Variants in PTPN2 observed in about 807,000 individuals in gnomAD.
The protein encoded by PTPN2 is protein tyrosine phosphatase non-receptor type 2, also known as tyrosine-protein phosphatase non-receptor type 2.
PTPN2 carries 19 observed loss-of-function variants against 57.3 expected under a neutral mutation model. That is an observed-to-expected ratio of 0.33 (90% CI 0.23 to 0.49). The LOEUF is 0.49. PTPN2 is among the 20% of genes least tolerant of loss of function. PTPN2 has a pLI of 0.99. For synonymous variants in PTPN2, 153 were observed against 164.9 expected (o/e 0.93, Z 0.55); for missense variants, 358 against 501.1 (o/e 0.71, Z 2.73).
chr18:12,791,091 G>T (rs2040973170), downstream of PTPN2, among the ~76,000 whole-genome samples: 1 of 152,078 alleles, frequency 6.6e-6, no homozygotes, highest in African/African-American at 2.4e-5. Flanking sequence ...TAAACATGGA[G>T]AATTATATTT....
chr18:12,804,713 T>C (rs2041577548), intron 7 of PTPN2, among the ~76,000 whole-genome samples: 1 of 152,112 alleles, frequency 6.6e-6, no homozygotes, highest in African/African-American at 2.4e-5. Flanking sequence ...AACTGACCAA[T>C]AAAGAGTGAG....
At chr18:12,877,629 T>G (rs1049011268) in intron 1 of PTPN2, among the ~76,000 whole-genome samples, 2 of 152,242 alleles carry the variant, frequency 1.3e-5, no homozygotes, top group Admixed American at 1.3e-4. Flanking sequence ...AAGAACAGTG[T>G]GCACTTGATA....
chr18:12,827,824 A>T (rs2042533112), intron 4 of PTPN2, among the ~76,000 whole-genome samples: 1 of 152,200 alleles, frequency 6.6e-6, no homozygotes. Context: ...CATTAAAGCA[A>T]GCAAGGGAGC....
chr18:12,798,187 A>G (rs2041265803), intron 8 of PTPN2, among the ~76,000 whole-genome samples: 1 of 152,226 alleles, frequency 6.6e-6, no homozygotes, highest in African/African-American at 2.4e-5. Flanking sequence ...TAGGTACACA[A>G]TGTATATGTA....
At chr18:12,829,621 C>T (rs113517893) in intron 4 of PTPN2, among the ~76,000 whole-genome samples, 310 of 151,988 alleles carry the variant, frequency 2.0e-3, no homozygotes, top group Non-Finnish European at 3.0e-3. Context: ...TAAAATTAAT[C>T]CAGTATGTCC....
At chr18:12,839,734 T>C (rs1326971251) in intron 2 of PTPN2, among the ~76,000 whole-genome samples, 1 of 152,116 alleles carries the variant, frequency 6.6e-6, no homozygotes, top group Non-Finnish European at 1.5e-5. Flanking sequence ...ACTGAGTAAA[T>C]GAAGAAATGC....
intron 2 of PTPN2, among the ~76,000 whole-genome samples, chr18:12,840,145 T>C (rs555569013): frequency 6.6e-6 from 1 of 152,326 alleles, no homozygotes; most frequent in African/African-American, 2.4e-5. Flanking sequence ...CCAATTCTAA[T>C]AGTACAGCGT....
chr18:12,809,006 C>T (rs988668387), intron 7 of PTPN2, among the ~76,000 whole-genome samples: 4 of 152,084 alleles, frequency 2.6e-5, no homozygotes, highest in African/African-American at 7.2e-5. Flanking sequence ...GGAGAACTAA[C>T]GGTGAGATCT....
At chr18:12,843,054 C>T (rs191892247) in intron 2 of PTPN2, among the ~76,000 whole-genome samples, 13 of 152,212 alleles carry the variant, frequency 8.5e-5, no homozygotes, top group Admixed American at 2.0e-4. Context: ...AATTTTGCGA[C>T]GCAGATGAAA....
chr18:12,788,074 C>T (rs1051481719), downstream of PTPN2: 2 of 154,792 alleles, frequency 1.3e-5, no homozygotes, highest in African/African-American at 4.8e-5. Context: ...CCTAGGTTCC[C>T]GCTCCTGAAT....
intron 8 of PTPN2, among the ~76,000 whole-genome samples, chr18:12,799,625 C>T (rs1295015430): frequency 2.7e-5 from 4 of 150,842 alleles, no homozygotes; most frequent in African/African-American, 9.8e-5. Context: ...TGCTCTGTTG[C>T]CCAGTCTGGA....
intron 7 of PTPN2, 37 bp from the exon 8 acceptor site, chr18:12,802,188 A>G (rs369804136): frequency 6.9e-6 from 10 of 1,453,338 alleles, no homozygotes; most frequent in Middle Eastern, 2.0e-4. Context: ...AAATGCAAAC[A>G]TTAAAAATTT....
At chr18:12,803,842 A>C (rs2041519941) in intron 7 of PTPN2, among the ~76,000 whole-genome samples, 1 of 152,300 alleles carries the variant, frequency 6.6e-6, no homozygotes, top group East Asian at 1.9e-4. Context: ...TCAACAAAAA[A>C]ACATTGGATT....
At chr18:12,856,654 T>A (rs1472945342) in intron 2 of PTPN2, among the ~76,000 whole-genome samples, 1 of 152,192 alleles carries the variant, frequency 6.6e-6, no homozygotes, top group African/African-American at 2.4e-5. Context: ...GTATACAACA[T>A]AAGTCTAAAA....
rs7235567 is a variant in PTPN2 at position 12,826,128 on chromosome 18, C to T, written c.361-184G>A. On this transcript the variant is annotated intron_variant, in intron 4 of 8. Transcript: ENST00000309660. ...GTAAGATTGAAATTTTATAGCCGGG[C>T]GCGGTGACTCACGCCTGTAATCCCA... is the stretch of plus-strand genomic sequence containing the variant. Among the ~76,000 whole-genome samples, 1,127 of 152,274 alleles carry T rather than the reference C, an allele frequency of 7.4e-3. 20 individuals are homozygous for T. The highest frequency in any genetic ancestry group is 0.026 in the African/African-American group (1,073 of 41,554).
chr18:12,808,929 T>TA (rs2041793975), intron 7 of PTPN2, among the ~76,000 whole-genome samples: 1 of 152,144 alleles, frequency 6.6e-6, no homozygotes, highest in Non-Finnish European at 1.5e-5. Flanking sequence ...AACACTGGAG[T>TA]AGTCACCACA....
rs2041066395 is a variant in PTPN2, at chr18:12,793,943, C to A, written c.*335G>T. 1 of 1,139,612 alleles carries A rather than the reference C, an allele frequency of 8.8e-7. No individual in the cohort carries two copies. The allele number at this position is 1,139,612 out of a possible 1,614,324, so 70.6% of individuals were successfully genotyped here. On this transcript the variant is annotated 3_prime_UTR_variant, in exon 9 of 9. Coordinates refer to ENST00000309660, the MANE Select transcript of PTPN2 (RefSeq NM_002828.4). The stretch of plus-strand genomic sequence containing the variant: ...CAAGTGCAGGTTAAAATCCAGATAG[C>A]CTCCAAAAACAAATCCTGTGATAAA...
intron 6 of PTPN2, among the ~76,000 whole-genome samples, chr18:12,814,779 A>G (rs1278707542): frequency 6.6e-6 from 1 of 151,960 alleles, no homozygotes; most frequent in Non-Finnish European, 1.5e-5. Flanking sequence ...ATGTCTGGAT[A>G]TACAGCACCC....
In PTPN2 at chr18:12,794,373, A is replaced by G. The variant is rs368834137; in HGVS notation, c.1153T>C (p.Trp385Arg). ...CCCATCTTAGTGAGAATAGGTTGCC[A>G]ATATAACCACCTTTTTCTTTTTCGT... Reference protein sequence around the residue: ...NERKRKRWLYWQPILTKMGFM... With the variant: ...NERKRKRWLYRQPILTKMGFM... The change falls in exon 9 of 9, where the codon TGG becomes CGG. Residue 385 changes from tryptophan to arginine, a missense_variant. Physicochemically the swap from Trp to Arg is moderately radical, Grantham distance 101. Transcript: ENST00000309660. 7 of 1,614,078 alleles carry G rather than the reference A, an allele frequency of 4.3e-6. No individual in the cohort carries two copies. The African/African-American group carries it at 6.7e-5, about 15-fold the overall frequency.
Sources: gnomAD v4.1 joint callset for allele counts (sites outside exome capture counted in the v4.1 genomes callset) on GRCh38, gnomAD v4.1.1 for gene constraint, MANE v1.5 for transcripts, NCBI Gene and HGNC (gene_info 2026-07-23, HGNC 2026-07-21) for gene names.